SAMSN1: variants seen among roughly 807,000 people sequenced by gnomAD.
SAMSN1 encodes SAM domain, SH3 domain and nuclear localization signals 1.
SAMSN1 carries 31 observed loss-of-function variants against 42.0 expected under a neutral mutation model. That is an observed-to-expected ratio of 0.74 (90% CI 0.55 to 1.00). The LOEUF is 1.00. Ranked by LOEUF, SAMSN1 falls within the 50% of genes least tolerant of loss-of-function variation. The pLI is 0.00. For missense variants in SAMSN1, 464 were observed against 439.4 expected, an observed-to-expected ratio of 1.06 and a Z score of -0.50; for synonymous variants, 178 against 151.9, an observed-to-expected ratio of 1.17 and a Z score of -1.26.
At chr21:14,626,887 T>C (rs910723708) in intron 2 of SAMSN1, among the ~76,000 whole-genome samples, 2 of 152,096 alleles carry the variant, frequency 1.3e-5, no homozygotes, top group Non-Finnish European at 2.9e-5. Flanking sequence ...CAAATGTCCA[T>C]CAATGATAGA....
At chr21:14,487,335 CTTAT>C (rs1022668812) in intron 7 of SAMSN1, among the ~76,000 whole-genome samples, 3 of 145,530 alleles carry the variant, frequency 2.1e-5, no homozygotes, top group Non-Finnish European at 4.5e-5. Flanking sequence ...TACTCTTTAT[CTTAT>C]TTATTTTTTA....
intron 7 of SAMSN1, among the ~76,000 whole-genome samples, chr21:14,488,092 T>C (rs1357356678): frequency 2.0e-5 from 3 of 152,108 alleles, no homozygotes; most frequent in Non-Finnish European, 2.9e-5. Flanking sequence ...TTATTGCCAC[T>C]GAAATGAAAT....
chr21:14,610,542 G>C (rs776510365), intron 4 of SAMSN1, among the ~76,000 whole-genome samples: 1 of 151,990 alleles, frequency 6.6e-6, no homozygotes, highest in Non-Finnish European at 1.5e-5. Context: ...CACCCTATTC[G>C]TGCACTCCCT....
upstream of SAMSN1, among the ~76,000 whole-genome samples, chr21:14,551,297 A>G (rs988210990): frequency 6.6e-6 from 1 of 152,122 alleles, no homozygotes; most frequent in Admixed American, 6.6e-5. Flanking sequence ...TCATTGGGAT[A>G]AATAGAAGGG....
At chr21:14,498,376 T>C in intron 7 of SAMSN1, 66 bp downstream of exon 7, 1 of 1,363,714 alleles carries the variant, frequency 7.3e-7, no homozygotes, top group Non-Finnish European at 1.0e-6. Context: ...GCTTTGTTTC[T>C]AATGATTATA....
At chr21:14,583,704 T>C, upstream of SAMSN1, 1 of 717,624 alleles carries the variant, frequency 1.4e-6, no homozygotes, top group Non-Finnish European at 2.6e-6. Flanking sequence ...CTGGCTTTCT[T>C]AGTCCAAACC....
At chr21:14,582,156 T>G in exon 2 of SAMSN1, 1 of 1,549,308 alleles carries the variant, frequency 6.5e-7, no homozygotes, top group South Asian at 1.2e-5. Context: ...AGGAGATCCA[T>G]ATCTGAGCAG....
At chr21:14,601,900 T>C (rs1982442321) in intron 6 of SAMSN1, 2 of 398,102 alleles carry the variant, frequency 5.0e-6, no homozygotes, top group Non-Finnish European at 9.4e-6. Flanking sequence ...AAGCAACCTA[T>C]AATAACTAAA....
rs918689073 is a variant in SAMSN1 at position 14,518,480 on chromosome 21, G to A, written c.130-1439C>T. Among the ~76,000 whole-genome samples, 16 of 151,830 alleles carry A rather than the reference G, an allele frequency of 1.1e-4. 1 individual carries two copies. The highest frequency in any genetic ancestry group is 2.1e-4 in the South Asian group (1 of 4,814). On this transcript the variant is annotated intron_variant, in intron 2 of 7. Coordinates refer to ENST00000400566, the MANE Select transcript of SAMSN1 (RefSeq NM_022136.5). ...CTTGGAGGACATGTTTGGGTTACACGTCCTAAAATACCTTATATTTGCAAG... is the reference window on the plus strand; with the variant it reads ...CTTGGAGGACATGTTTGGGTTACACATCCTAAAATACCTTATATTTGCAAG...
upstream of SAMSN1, among the ~76,000 whole-genome samples, chr21:14,548,905 T>A (rs1171196754): frequency 6.6e-6 from 1 of 152,132 alleles, no homozygotes; most frequent in Non-Finnish European, 1.5e-5. Context: ...TGACCATGAT[T>A]AAACCACTAG....
intron 2 of SAMSN1, among the ~76,000 whole-genome samples, chr21:14,557,474 C>T (rs9981275): frequency 0.47 from 70,932 of 151,938 alleles, 17,142 homozygotes; most frequent in East Asian, 0.79. Flanking sequence ...CATAGTGTGA[C>T]CCAGGTTCCT....
At chr21:14,530,967 TTTTA>T (rs1438708219) in intron 1 of SAMSN1, among the ~76,000 whole-genome samples, 3 of 152,172 alleles carry the variant, frequency 2.0e-5, no homozygotes, top group African/African-American at 7.2e-5. Flanking sequence ...TCTATGCATA[TTTTA>T]TTTTTCTATT....
chr21:14,632,079 C>T (rs1983344691), intron 2 of SAMSN1, among the ~76,000 whole-genome samples: 1 of 152,152 alleles, frequency 6.6e-6, no homozygotes, highest in African/African-American at 2.4e-5. Context: ...ACCTGACTAA[C>T]ACAGGGAAAC....
chr21:14,522,453 G>A (rs944961165), intron 1 of SAMSN1, among the ~76,000 whole-genome samples: 2 of 152,082 alleles, frequency 1.3e-5, no homozygotes, highest in African/African-American at 2.4e-5. Flanking sequence ...AAACAAACTG[G>A]TGGTACTGAC....
rs977421050 is a variant in SAMSN1, at chr21:14,516,451, G to A, written c.279+441C>T. Among the ~76,000 whole-genome samples the A allele has an allele frequency of 3.3e-5, 5 of 152,200 alleles. 1 individual carries two copies. On this transcript the variant is annotated intron_variant, in intron 3 of 7. Transcript: ENST00000400566. ...TCTGTTGCCAGGCTGAAGTTCAGTG[G>A]TGCAATCAGGGCTCACTGGAACCCC...
intron 1 of SAMSN1, among the ~76,000 whole-genome samples, chr21:14,649,390 T>A (rs978944302): frequency 3.3e-5 from 5 of 151,908 alleles, no homozygotes; most frequent in Admixed American, 6.6e-5. Context: ...AACCTGCACA[T>A]TGTGCACATG....
intron 4 of SAMSN1, chr21:14,612,722 G>A (rs1982739446): frequency 4.6e-6 from 3 of 655,414 alleles, no homozygotes; most frequent in South Asian, 3.1e-5. Flanking sequence ...TTAGAATGAA[G>A]CCACTTTTAA....
rs1241009745 is a variant in SAMSN1, at chr21:14,576,666, C to T, written c.261+5470G>A. Among the ~76,000 whole-genome samples the T allele has an allele frequency of 2.0e-5, 3 of 151,622 alleles. 1 individual carries two copies. Among genetic ancestry groups the T allele is most frequent in the South Asian group, 2.1e-4 (1 of 4,832 alleles). ...GTAAAGAATTTTTCCATCATCCACA[C>T]GATTTGTCACCATTGTGATGAGTTC... On this transcript the variant is annotated intron_variant, in intron 2 of 8. Coordinates refer to the SAMSN1 transcript ENST00000285670.
At chr21:14,623,539 A>G (rs971673266) in intron 2 of SAMSN1, among the ~76,000 whole-genome samples, 2 of 152,230 alleles carry the variant, frequency 1.3e-5, no homozygotes, top group Admixed American at 1.3e-4. Context: ...AGACCATTAC[A>G]TAATAGTAAA....
Sources: allele counts gnomAD v4.1 joint callset (sites outside exome capture counted in the v4.1 genomes callset), GRCh38; gene constraint gnomAD v4.1.1; transcripts MANE v1.5; gene names NCBI Gene and HGNC (gene_info 2026-07-23, HGNC 2026-07-21).